Variants in ATP6V0A1 observed in about 807,000 individuals in gnomAD.
The protein encoded by ATP6V0A1 is V-type proton ATPase 116 kDa subunit a 1.
ATP6V0A1 carries 43 observed loss-of-function variants against 105.4 expected under a neutral mutation model. The observed-to-expected ratio is 0.41, with a 90% CI of 0.32 to 0.53. The LOEUF is 0.53. ATP6V0A1 is among the 20% of genes least tolerant of loss of function. ATP6V0A1 has a pLI of 0.30. For missense variants in ATP6V0A1, 676 were observed against 1,051.1 expected, an observed-to-expected ratio of 0.64 and a Z score of 4.93; for synonymous variants, 362 against 372.8, an observed-to-expected ratio of 0.97 and a Z score of 0.33.
chr17:42,490,798 C>T (rs905094486), intron 11 of ATP6V0A1, among the ~76,000 whole-genome samples, 161 bp downstream of exon 11: 2 of 152,162 alleles, frequency 1.3e-5, no homozygotes, highest in Admixed American at 6.5e-5. Context: ...AAGAGATCCT[C>T]CCAACTCAGT....
At chr17:42,484,552 G>C (rs976141866) in intron 9 of ATP6V0A1, among the ~76,000 whole-genome samples, 2 of 152,084 alleles carry the variant, frequency 1.3e-5, no homozygotes, top group Non-Finnish European at 2.9e-5. Flanking sequence ...AAAAGCTCTG[G>C]TGTGACTTTT....
At chr17:42,498,786 A>G in intron 14 of ATP6V0A1, 138 bp from the exon 15 acceptor site, 1 of 554,388 alleles carries the variant, frequency 1.8e-6, no homozygotes, top group Non-Finnish European at 3.2e-6. Context: ...AGATCACGCC[A>G]CTGCACTCCA....
Position 42,461,012 on chromosome 17 carries a change from G to C in ATP6V0A1, c.117+1G>C, listed in dbSNP as rs772545104. ...ACTTGGAAAGGTTCAGTTTCGTGAC[G>C]TAAGTAGTTGTGGGGCTGCGACTTG... On this transcript the variant is annotated splice_donor_variant, in intron 2 of 21. Coordinates refer to ENST00000343619, the MANE Select transcript of ATP6V0A1 (RefSeq NM_001130021.3). LOFTEE classifies it high-confidence loss of function. 2 of 1,610,612 alleles carry C rather than the reference G, an allele frequency of 1.2e-6. No homozygotes were observed. Among genetic ancestry groups the C allele is most frequent in the Admixed American group, 1.7e-5 (1 of 60,002 alleles).
At chr17:42,474,155 A>T (rs909696616) in intron 5 of ATP6V0A1, among the ~76,000 whole-genome samples, 4 of 151,800 alleles carry the variant, frequency 2.6e-5, no homozygotes, top group African/African-American at 9.7e-5. Context: ...GGTGTGTACC[A>T]CCATGCCCAG....
At chr17:42,502,989 C>T (rs2091795626) in intron 17 of ATP6V0A1, 1 of 152,294 alleles carries the variant, frequency 6.6e-6, no homozygotes, top group African/African-American at 2.4e-5. Context: ...GAAATATGTC[C>T]TTGTTACTCA....
chr17:42,483,635 G>A (rs541686192), intron 9 of ATP6V0A1, among the ~76,000 whole-genome samples: 23 of 152,230 alleles, frequency 1.5e-4, no homozygotes, highest in Non-Finnish European at 3.1e-4. Context: ...AGGGTGGAGT[G>A]CAGTGGTGTG....
chr17:42,479,689 T>C (rs2089244576), intron 7 of ATP6V0A1, among the ~76,000 whole-genome samples: 1 of 152,146 alleles, frequency 6.6e-6, no homozygotes, highest in African/African-American at 2.4e-5. Context: ...TCATCCTCCA[T>C]GCCGTGGAGG....
At chr17:42,498,859 C>A in intron 14 of ATP6V0A1, 65 bp from the exon 15 acceptor site, 3 of 1,127,298 alleles carry the variant, frequency 2.7e-6, no homozygotes, top group Non-Finnish European at 3.9e-6. Flanking sequence ...GTTTTTTAAA[C>A]AGAGGAATAT....
intron 21 of ATP6V0A1, chr17:42,517,917 CAT>C (rs923439346): frequency 3.3e-5 from 5 of 152,338 alleles, no homozygotes; most frequent in Non-Finnish European, 5.9e-5. Flanking sequence ...GATTCGATAA[CAT>C]ATAAACCACT....
In ATP6V0A1 at chr17:42,514,374, C is replaced by T. The variant is rs777330698; in HGVS notation, c.2334C>T (p.Phe778=). 1 of 1,613,894 alleles carries T rather than the reference C, an allele frequency of 6.2e-7. No homozygotes were observed. Among genetic ancestry groups the T allele is most frequent in the South Asian group, 1.1e-5 (1 of 91,034 alleles). The change falls in exon 21 of 22, where the codon TTC becomes TTT. Residue 778 remains phenylalanine, a synonymous_variant. Transcript: ENST00000343619. ...SLAGGLVLFF[F]FTAFATLTVA... Reference sequence around the variant, plus strand: ...CGGGAGGTTTGGTGCTGTTCTTCTTCTTCACTGCCTTTGCCACCCTGACCG... The same window carrying T: ...CGGGAGGTTTGGTGCTGTTCTTCTTTTTCACTGCCTTTGCCACCCTGACCG...
rs754820314 is a variant in ATP6V0A1, at chr17:42,500,895, C to T, written c.1868C>T (p.Ser623Phe). The T allele has an allele frequency of 4.3e-6, 7 of 1,613,786 alleles. No homozygotes were observed. The South Asian group carries it at 7.7e-5, about 18-fold the overall frequency. The change falls in exon 16 of 22, where the codon TCT becomes TTT. Residue 623 changes from serine to phenylalanine, a missense_variant. Physicochemically the swap from Ser to Phe is radical, Grantham distance 155. This residue lies in a region of ATP6V0A1 where 435 missense variants were observed against 642.2 expected (regional missense o/e 0.68). Coordinates refer to ENST00000343619, the MANE Select transcript of ATP6V0A1 (RefSeq NM_001130021.3). Reference sequence around the variant, plus strand: ...ATGTTCCTCTTTTCCTACCCAGAGTCTGGTTATTCAATGTTGTATTCTGGA... The same window carrying T: ...ATGTTCCTCTTTTCCTACCCAGAGTTTGGTTATTCAATGTTGTATTCTGGA... ...INMFLFSYPESGYSMLYSGQK... is the reference protein window; with the variant it reads ...INMFLFSYPEFGYSMLYSGQK...
At chr17:42,490,679 T>A (rs80282465) in intron 11 of ATP6V0A1, 42 bp downstream of exon 11, 2 of 1,557,656 alleles carry the variant, frequency 1.3e-6, no homozygotes, top group Admixed American at 2.1e-5. Flanking sequence ...GAGTTTTTTT[T>A]GTTTGTTTGG....
rs183460905 is a variant in ATP6V0A1 at position 42,474,438 on chromosome 17, A to T, written c.424-3222A>T. ...CTTCCATTCCCAGCAGTCTCACTGC[A>T]TTGCAAGTCTCCTGGCAAGAACCTC... On this transcript the variant is annotated intron_variant, in intron 5 of 21. Transcript: ENST00000343619. Among the ~76,000 whole-genome samples, 787 of 152,050 alleles carry T rather than the reference A, an allele frequency of 5.2e-3. 6 individuals are homozygous for T. Among genetic ancestry groups the T allele is most frequent in the South Asian group, 0.015 (70 of 4,822 alleles).
At position 42,495,059 on chromosome 17, in the gene ATP6V0A1, G is replaced by A. The variant is rs1204448380; in HGVS notation, c.1340G>A (p.Arg447Gln). The A allele has an allele frequency of 3.7e-6, 6 of 1,613,990 alleles. No homozygotes were observed. Among genetic ancestry groups the A allele is most frequent in the Non-Finnish European group, 5.1e-6 (6 of 1,179,928 alleles). ...NEMFSTVFSG[R>Q]YIILLMGVFS... is the part of the protein sequence containing the mutation. ...ATGTTTAGCACTGTGTTCAGTGGTC[G>A]ATACATTATTTTATTGATGGGTGTG... Residue 447 changes from arginine to glutamine, a missense_variant, in exon 13 of 22, where the codon CGA becomes CAA. This residue lies in a region of ATP6V0A1 where 435 missense variants were observed against 642.2 expected (regional missense o/e 0.68). Transcript: ENST00000343619.
In ATP6V0A1 at chr17:42,522,511, G is replaced by A. The variant is rs1298759715; in HGVS notation, c.*1391G>A. The A allele has an allele frequency of 6.6e-6, 1 of 152,502 alleles. No individual in the cohort carries two copies. The highest frequency in any genetic ancestry group is 1.9e-4 in the East Asian group (1 of 5,332). 9.4% of individuals were successfully genotyped at this position (152,502 alleles called of 1,614,324 possible). On this transcript the variant is annotated 3_prime_UTR_variant, in exon 22 of 22. Transcript: ENST00000343619. ...CAGTGGGGTTTGAAGCAGAGTTCAG[G>A]GAACCCTGCCCAAGGTCCTCCTGTT...
chr17:42,501,704 T>C (rs1426020951), intron 17 of ATP6V0A1, among the ~76,000 whole-genome samples: 1 of 148,926 alleles, frequency 6.7e-6, no homozygotes, highest in Non-Finnish European at 1.5e-5. Flanking sequence ...TGAGCCACCA[T>C]GCCCGGCCAC....
chr17:42,494,135 C>G (rs2090927418), intron 11 of ATP6V0A1, among the ~76,000 whole-genome samples, 199 bp from the exon 12 acceptor site: 1 of 151,402 alleles, frequency 6.6e-6, no homozygotes, highest in Non-Finnish European at 1.5e-5. Flanking sequence ...CCCAGCTACT[C>G]AAGAGGCTGA....
intron 11 of ATP6V0A1, among the ~76,000 whole-genome samples, chr17:42,493,728 A>G (rs1035494079): frequency 1.3e-5 from 2 of 151,844 alleles, no homozygotes; most frequent in African/African-American, 4.8e-5. Flanking sequence ...GTGGGAGGAT[A>G]ACTTGAGTCC....
chr17:42,480,031 A>G (rs2089293428), intron 7 of ATP6V0A1, among the ~76,000 whole-genome samples: 1 of 152,212 alleles, frequency 6.6e-6, no homozygotes, highest in African/African-American at 2.4e-5. Flanking sequence ...TGTTATTATA[A>G]AAGCTCTACA....
Sources: allele counts gnomAD v4.1 joint callset (sites outside exome capture counted in the v4.1 genomes callset), GRCh38; gene constraint gnomAD v4.1.1; regional missense constraint gnomAD v4.1.1; transcripts MANE v1.5; gene names NCBI Gene and HGNC (gene_info 2026-07-23, HGNC 2026-07-21).